Variants in IQCH observed in about 807,000 individuals in gnomAD.
IQCH encodes IQ domain-containing protein H.
In IQCH, 98 loss-of-function variants were observed where a neutral mutation model predicts 117.0. The ratio of observed to expected loss-of-function variants is 0.84; its 90% CI spans 0.71 to 0.99. The LOEUF (loss-of-function observed/expected upper bound fraction) is 0.99. Ranked by LOEUF, IQCH falls within the 50% of genes least tolerant of loss-of-function variation. The probability of loss-of-function intolerance (pLI) is 0.00; values close to 1 mark genes in which losing one functional copy is unlikely to be tolerated. For missense variants in IQCH, 1,102 were observed against 1,243.8 expected, an observed-to-expected ratio of 0.89 and a Z score of 1.72; for synonymous variants, 412 against 448.2, an observed-to-expected ratio of 0.92 and a Z score of 1.02.
At chr15:67,286,350 C>G (rs897619115) in intron 4 of IQCH, among the ~76,000 whole-genome samples, 2 of 152,076 alleles carry the variant, frequency 1.3e-5, no homozygotes, top group African/African-American at 2.4e-5. Flanking sequence ...TTAGGTTTTT[C>G]CAAATATAAG....
At chr15:67,438,370 C>T (rs1297593811) in intron 16 of IQCH, among the ~76,000 whole-genome samples, 5 of 152,254 alleles carry the variant, frequency 3.3e-5, no homozygotes, top group African/African-American at 1.2e-4. Flanking sequence ...GCCATTACCA[C>T]GCCACCACTA....
At chr15:67,374,620 T>C (rs1368849577) in intron 10 of IQCH, among the ~76,000 whole-genome samples, 1 of 152,242 alleles carries the variant, frequency 6.6e-6, no homozygotes, top group African/African-American at 2.4e-5. Context: ...AATACTTGCA[T>C]TGCACAGAGC....
At chr15:67,371,581 T>G (rs748454264) in intron 8 of IQCH, 1 of 1,146,610 alleles carries the variant, frequency 8.7e-7, no homozygotes, top group South Asian at 1.4e-5. Context: ...CCTCTGGATA[T>G]TAAGAGAAGA....
chr15:67,383,355 T>C (rs1481625162), intron 10 of IQCH, among the ~76,000 whole-genome samples: 3 of 152,190 alleles, frequency 2.0e-5, no homozygotes, highest in Non-Finnish European at 2.9e-5. Context: ...GAAAACTGAC[T>C]TCAAACACTG....
Position 67,254,964 on chromosome 15 carries a change from C to CCCGG in IQCH, c.51+19_51+20insGGCC. The CCCGG allele has an allele frequency of 1.2e-6, 2 of 1,610,442 alleles. No individual in the cohort carries two copies. Among genetic ancestry groups the CCCGG allele is most frequent in the Non-Finnish European group, 1.7e-6 (2 of 1,177,900 alleles). ...TTAATCCAGGTGGGAAACGGGCTTC[C>CCCGG]CCCGGCCCTGCCCTGCCCAGCCGCG... On this transcript the variant is annotated intron_variant, in intron 1 of 20. Transcript: ENST00000335894.
chr15:67,422,961 TA>T lies in IQCH; in HGVS notation c.2505+1385del, dbSNP rs1381148738. 6.6e-6 allele frequency among the ~76,000 whole-genome samples: 1 copy of T among 152,248 alleles called. No individual in the cohort carries two copies. Among genetic ancestry groups the T allele is most frequent in the Non-Finnish European group, 1.5e-5 (1 of 68,042 alleles). ...CATTGTACATATACTTTGGTTGTTT[TA>T]GGATCATTATTCTCAGTTTTACAGT... On this transcript the variant is annotated intron_variant, in intron 16 of 20. Coordinates refer to ENST00000335894, the MANE Select transcript of IQCH (RefSeq NM_001031715.3). The surrounding 1 kb of genome is among the most constrained non-coding windows in gnomAD (Gnocchi z 4.7).
Position 67,417,225 on chromosome 15 carries a change from C to T in IQCH, c.2218+174C>T, listed in dbSNP as rs1473001691. On this transcript the variant is annotated intron_variant, in intron 15 of 20. Transcript: ENST00000335894. This position sits in a 1 kb window ranked among gnomAD's most constrained non-coding sequence, Gnocchi z 4.3. ...TAAATATTTATCTTACACCCAGCCT[C>T]TTAAGTAAATAAGAACCTAGCATGC... Among the ~76,000 whole-genome samples the T allele has an allele frequency of 6.6e-6, 1 of 152,148 alleles. No homozygotes were observed. Among genetic ancestry groups the T allele is most frequent in the African/African-American group, 2.4e-5 (1 of 41,424 alleles).
In IQCH at chr15:67,490,896, G is replaced by C. The variant is rs2083635226; in HGVS notation, c.2861+832G>C. Among the ~76,000 whole-genome samples the C allele has an allele frequency of 6.6e-6, 1 of 152,218 alleles. No homozygotes were observed. The highest frequency in any genetic ancestry group is 1.5e-5 in the Non-Finnish European group (1 of 68,032). ...CCAGATTTCCCTCTGGGATATTTTG[G>C]AGCCTAGCAAAGCCTCCTATCTAGG... On this transcript the variant is annotated intron_variant, in intron 19 of 20. Coordinates refer to ENST00000335894, the MANE Select transcript of IQCH (RefSeq NM_001031715.3). The surrounding 1 kb of genome is among the most constrained non-coding windows in gnomAD (Gnocchi z 4.9).
chr15:67,291,470 A>C (rs1966749012), intron 4 of IQCH, among the ~76,000 whole-genome samples: 1 of 152,200 alleles, frequency 6.6e-6, no homozygotes, highest in Non-Finnish European at 1.5e-5. Context: ...ATGCCTTAAC[A>C]ATCAAACATA....
intron 4 of IQCH, among the ~76,000 whole-genome samples, chr15:67,320,662 A>G (rs762606542): frequency 6.6e-6 from 1 of 152,194 alleles, no homozygotes; most frequent in Non-Finnish European, 1.5e-5. Flanking sequence ...TTTATGTAAA[A>G]TCAAGTTATC....
chr15:67,283,843 G>A (rs969813414), intron 4 of IQCH, among the ~76,000 whole-genome samples: 19 of 151,952 alleles, frequency 1.3e-4, no homozygotes, highest in Admixed American at 3.9e-4. Flanking sequence ...GGATTGTACA[G>A]CATCAGTTTA....
intron 3 of IQCH, among the ~76,000 whole-genome samples, chr15:67,275,723 T>A (rs941096081): frequency 6.6e-5 from 10 of 151,972 alleles, no homozygotes; most frequent in Non-Finnish European, 1.0e-4. Context: ...ACAAAAAAAA[T>A]TTTTAAATTT....
chr15:67,402,884 C>A (rs1971721352), intron 14 of IQCH, among the ~76,000 whole-genome samples: 1 of 152,180 alleles, frequency 6.6e-6, no homozygotes, highest in African/African-American at 2.4e-5. Flanking sequence ...TCTTGAGATT[C>A]TCTTGCATCT....
chr15:67,416,978 A>G lies in IQCH; in HGVS notation c.2145A>G (p.Ala715=), dbSNP rs1370388336. 6.2e-7 allele frequency: 1 copy of G among 1,610,858 alleles called. No homozygotes were observed. Among genetic ancestry groups the G allele is most frequent in the South Asian group, 1.1e-5 (1 of 90,326 alleles). ...KISEELAGIL[A]QHAQPVNEKR... ...CTGAGGAGCTGGCGGGCATTTTAGC[A>G]CAGCACGCACAGCCAGTCAATGAGA... Residue 715 remains alanine (A), a synonymous_variant, in exon 15 of 21, where the codon GCA becomes GCG. Transcript: ENST00000335894. This position sits in a 1 kb window ranked among gnomAD's most constrained non-coding sequence, Gnocchi z 5.1.
intron 14 of IQCH, among the ~76,000 whole-genome samples, chr15:67,402,163 C>A (rs1404932056): frequency 6.6e-6 from 1 of 152,166 alleles, no homozygotes; most frequent in Non-Finnish European, 1.5e-5. Context: ...GCACCAAATA[C>A]ATTTGGCACT....
At chr15:67,328,558 A>G (rs955692356) in intron 4 of IQCH, among the ~76,000 whole-genome samples, 1 of 152,184 alleles carries the variant, frequency 6.6e-6, no homozygotes, top group Non-Finnish European at 1.5e-5. Flanking sequence ...CGTTTTAGCT[A>G]GTTGTTAAAG....
At chr15:67,351,921 C>T (rs2140716937) in intron 6 of IQCH, among the ~76,000 whole-genome samples, 1 of 152,134 alleles carries the variant, frequency 6.6e-6, no homozygotes, top group East Asian at 1.9e-4. Flanking sequence ...ATCATTCTGA[C>T]CATCGTTATC....
At position 67,458,895 on chromosome 15, in the gene IQCH, G is replaced by C. The variant is rs542089533; in HGVS notation, c.2506-6232G>C. On this transcript the variant is annotated intron_variant, in intron 16 of 20. Coordinates refer to ENST00000335894, the MANE Select transcript of IQCH (RefSeq NM_001031715.3). The surrounding 1 kb of genome is among the most constrained non-coding windows in gnomAD (Gnocchi z 4.1). The stretch of plus-strand genomic sequence containing the variant: ...CTGAAGGCTGGATGCCATTTCTGGC[G>C]TGGGTGAATTCTCAGTACTGCATGT... Among the ~76,000 whole-genome samples, 1 of 152,368 alleles carries C rather than the reference G, an allele frequency of 6.6e-6. No individual in the cohort carries two copies. The highest frequency in any genetic ancestry group is 6.5e-5 in the Admixed American group (1 of 15,310).
chr15:67,325,884 C>T (rs946120950), intron 4 of IQCH, among the ~76,000 whole-genome samples: 3 of 152,068 alleles, frequency 2.0e-5, no homozygotes, highest in Admixed American at 1.3e-4. Context: ...GGCATAAAAT[C>T]TCTTCAAAAT....
Sources: gnomAD v4.1 joint callset for allele counts (sites outside exome capture counted in the v4.1 genomes callset) on GRCh38, gnomAD v4.1.1 for gene constraint, Gnocchi (gnomAD v3.1) non-coding constraint, MANE v1.5 for transcripts, NCBI Gene and HGNC (gene_info 2026-07-23, HGNC 2026-07-21) for gene names.